The following ARHGEF38 variants were observed in gnomAD, a reference collection of about 807,000 sequenced individuals.
ARHGEF38 encodes the protein Rho guanine nucleotide exchange factor (GEF) 38.
In ARHGEF38, 79 loss-of-function variants were observed where a neutral mutation model predicts 79.9. The ratio of observed to expected loss-of-function variants is 0.99; its 90% CI spans 0.82 to 1.19. ARHGEF38 has a LOEUF of 1.19. ARHGEF38 is among the 50% of genes most tolerant of loss of function. The pLI is 0.00. For missense variants in ARHGEF38, 962 were observed against 907.2 expected, an observed-to-expected ratio of 1.06 and a Z score of -0.78; for synonymous variants, 366 against 328.3, an observed-to-expected ratio of 1.11 and a Z score of -1.24.
chr4:105,647,047 G>A (rs1036660397), intron 6 of ARHGEF38, among the ~76,000 whole-genome samples: 5 of 152,110 alleles, frequency 3.3e-5, no homozygotes, highest in African/African-American at 1.2e-4. Flanking sequence ...ACTGTTAGGT[G>A]AGTTGTTTTA....
intron 5 of ARHGEF38, among the ~76,000 whole-genome samples, chr4:105,643,744 G>C (rs1351316068): frequency 6.6e-6 from 1 of 152,068 alleles, no homozygotes; most frequent in African/African-American, 2.4e-5. Context: ...ATAGTGACTA[G>C]TGTATGTTTG....
At chr4:105,632,779 A>T (rs1254724903) in intron 4 of ARHGEF38, 1 of 152,264 alleles carries the variant, frequency 6.6e-6, no homozygotes, top group Non-Finnish European at 1.5e-5. Context: ...TCCTTGCCTG[A>T]AAAGAATGTG....
At chr4:105,558,439 T>C (rs1424053404) in intron 1 of ARHGEF38, among the ~76,000 whole-genome samples, 1 of 152,188 alleles carries the variant, frequency 6.6e-6, no homozygotes, top group Non-Finnish European at 1.5e-5. Context: ...TTTATCTGCC[T>C]TCATACACTC....
chr4:105,622,512 T>C (rs947689468), intron 3 of ARHGEF38, among the ~76,000 whole-genome samples: 15 of 152,196 alleles, frequency 9.9e-5, no homozygotes. Context: ...GTTTGATGGC[T>C]GTGAGCAAGT....
Position 105,667,238 on chromosome 4 carries a change from A to G in ARHGEF38, c.1799A>G (p.Asp600Gly). The G allele has an allele frequency of 6.5e-7, 1 of 1,536,214 alleles. No homozygotes were observed. ...AAGTGCAATGCTACACAAGAATATG[A>G]CATCAATCTTCTGGAAGGAGACTTG... The part of the protein sequence containing the change: ...KRKCNATQEY[D>G]INLLEGDLVA... Residue 600 changes from aspartate to glycine, a missense_variant, in exon 12 of 14, where the codon GAC becomes GGC. Asp to Gly is a moderately conservative substitution (Grantham distance 94, BLOSUM62 -1). Transcript: ENST00000420470.
intron 6 of ARHGEF38, 82 bp from the exon 7 acceptor site, chr4:105,648,467 A>G: frequency 8.1e-7 from 1 of 1,234,324 alleles, no homozygotes. Context: ...GAATATAAAT[A>G]CTCGTCTTGA....
intron 2 of ARHGEF38, among the ~76,000 whole-genome samples, chr4:105,591,290 G>T (rs145912735): frequency 2.0e-5 from 3 of 151,974 alleles, no homozygotes; most frequent in Non-Finnish European, 4.4e-5. Context: ...GTGCAGTGGC[G>T]CTGTCTCTGC....
intron 3 of ARHGEF38, among the ~76,000 whole-genome samples, chr4:105,627,054 T>C (rs2110511982): frequency 6.6e-6 from 1 of 152,338 alleles, no homozygotes; most frequent in Middle Eastern, 3.4e-3. Context: ...ACTTTTCACA[T>C]AGTATGGTAA....
intron 2 of ARHGEF38, among the ~76,000 whole-genome samples, chr4:105,596,455 G>A (rs1223709754): frequency 6.6e-6 from 1 of 152,126 alleles, no homozygotes; most frequent in East Asian, 1.9e-4. Flanking sequence ...CCAACTCCCT[G>A]AGAACACAGT....
At chr4:105,567,613 T>C (rs1725992924) in intron 1 of ARHGEF38, among the ~76,000 whole-genome samples, 1 of 152,216 alleles carries the variant, frequency 6.6e-6, no homozygotes, top group Non-Finnish European at 1.5e-5. Context: ...ATGGAAAATG[T>C]TGATTTATCT....
At chr4:105,671,780 C>T (rs1730965522) in intron 13 of ARHGEF38, among the ~76,000 whole-genome samples, 1 of 152,188 alleles carries the variant, frequency 6.6e-6, no homozygotes, top group South Asian at 2.1e-4. Flanking sequence ...TTTAGACTTT[C>T]GTTCTTGATT....
intron 1 of ARHGEF38, among the ~76,000 whole-genome samples, chr4:105,588,045 T>C (rs1239368283): frequency 1.3e-5 from 2 of 152,238 alleles, no homozygotes; most frequent in African/African-American, 2.4e-5. Context: ...TTTTAAAGTG[T>C]CTGTTCACAT....
In ARHGEF38 at chr4:105,667,269, T is replaced by A; in HGVS notation, c.1830T>A (p.Ala610=). 6.5e-7 allele frequency: 1 copy of A among 1,536,190 alleles called. No homozygotes were observed. The highest frequency in any genetic ancestry group is 1.2e-5 in the South Asian group (1 of 84,064). The change falls in exon 12 of 14, where the codon GCT becomes GCA. Residue 610 remains alanine, a synonymous_variant. Transcript: ENST00000420470. ...DINLLEGDLV[A]VIEQKDPLGS... Reference sequence around the variant, plus strand: ...ATCTTCTGGAAGGAGACTTGGTGGCTGTGATAGAACAGAAAGATCCACTGG... The same window carrying A: ...ATCTTCTGGAAGGAGACTTGGTGGCAGTGATAGAACAGAAAGATCCACTGG...
chr4:105,655,380 C>G (rs1391296254), intron 8 of ARHGEF38, among the ~76,000 whole-genome samples: 1 of 151,928 alleles, frequency 6.6e-6, no homozygotes, highest in Non-Finnish European at 1.5e-5. Context: ...CAAAGAGGGT[C>G]GTATACAGAG....
Position 105,654,064 on chromosome 4 carries a change from G to C in ARHGEF38, c.1009-1G>C, listed in dbSNP as rs1281730657. ...TGAAAATAATTTCATATATATTTTA[G>C]GTTAAAGACAATACCTTTAACAGAG... On this transcript the variant is annotated splice_acceptor_variant, in intron 7 of 13. Coordinates refer to ENST00000420470, the MANE Select transcript of ARHGEF38 (RefSeq NM_001242729.2). LOFTEE classifies it high-confidence loss of function. 4 of 1,423,670 alleles carry C rather than the reference G, an allele frequency of 2.8e-6. No homozygotes were observed. Among genetic ancestry groups the C allele is most frequent in the African/African-American group, 1.4e-5 (1 of 70,234 alleles). 88.2% of individuals were successfully genotyped at this position (1,423,670 alleles called of 1,614,324 possible).
chr4:105,556,947 A>G (rs994680198), intron 1 of ARHGEF38, among the ~76,000 whole-genome samples: 2 of 152,108 alleles, frequency 1.3e-5, no homozygotes, highest in Non-Finnish European at 2.9e-5. Flanking sequence ...TTCATTCCCA[A>G]CTCGACCTTT....
At chr4:105,554,366 A>ACTCCAGTAGT (rs1487078712) in intron 1 of ARHGEF38, among the ~76,000 whole-genome samples, 26 of 152,054 alleles carry the variant, frequency 1.7e-4, no homozygotes, top group African/African-American at 5.5e-4. Flanking sequence ...GTTTCTCGCC[A>ACTCCAGTAGT]CTCCAGTAGT....
intron 1 of ARHGEF38, among the ~76,000 whole-genome samples, chr4:105,564,473 G>A (rs1286472731): frequency 2.0e-5 from 3 of 152,112 alleles, no homozygotes; most frequent in African/African-American, 7.2e-5. Flanking sequence ...GTAGAATGGT[G>A]GTTTCCAGGG....
rs199819596 is a variant in ARHGEF38, at chr4:105,552,886, A to C, written c.121A>C (p.Ser41Arg). The C allele has an allele frequency of 3.1e-6, 5 of 1,613,986 alleles. No individual in the cohort carries two copies. The Admixed American group carries it at 6.7e-5, about 22-fold the overall frequency. The change falls in exon 1 of 14, where the codon AGT becomes CGT. Residue 41 changes from serine to arginine, a missense_variant. Transcript: ENST00000420470. ...GAAGACTGACACTGTGGTTGAGAGC[A>C]GTGTTTCTGGGGACCACTCTGGCAC... ...RRKTDTVVES[S>R]VSGDHSGTLR...
Sources: gnomAD v4.1 joint callset for allele counts (sites outside exome capture counted in the v4.1 genomes callset) on GRCh38, gnomAD v4.1.1 for gene constraint, MANE v1.5 for transcripts, NCBI Gene and HGNC (gene_info 2026-07-23, HGNC 2026-07-21) for gene names.